Variants in PCDHGA8 observed in about 807,000 individuals in gnomAD.
PCDHGA8 encodes protocadherin gamma-A8.
A neutral mutation model predicts 59.2 loss-of-function variants in PCDHGA8; 45 were observed. The observed-to-expected ratio is 0.76, with a 90% CI of 0.60 to 0.98. The LOEUF is 0.98. Ranked by LOEUF, PCDHGA8 falls within the 50% of genes least tolerant of loss-of-function variation. The pLI, the probability that PCDHGA8 is intolerant of heterozygous loss-of-function variation, is 0.00. For synonymous variants in PCDHGA8, 531 were observed against 519.0 expected, an observed-to-expected ratio of 1.02 and a Z score of -0.32; for missense variants, 1,257 against 1,196.2, an observed-to-expected ratio of 1.05 and a Z score of -0.75.
chr5:141,452,844 C>T (rs1239022315), intron 1 of PCDHGA8, among the ~76,000 whole-genome samples: 1 of 152,204 alleles, frequency 6.6e-6, no homozygotes, highest in Non-Finnish European at 1.5e-5. Context: ...CCAGCCCACA[C>T]TCTGGGGAGA....
chr5:141,482,591 A>G lies in PCDHGA8; in HGVS notation c.2425-12216A>G, dbSNP rs115650612. Among the ~76,000 whole-genome samples the G allele has an allele frequency of 6.3e-4, 95 of 151,838 alleles. 1 individual carries two copies. The highest frequency in any genetic ancestry group is 2.3e-3 in the African/African-American group (95 of 41,350). On this transcript the variant is annotated intron_variant, in intron 1 of 3. Coordinates refer to ENST00000398604, the MANE Select transcript of PCDHGA8 (RefSeq NM_032088.2). ...ATAGCATAAGATGCAGTGGGACCAA[A>G]CGGGAAAAAACACCTAAATGAGCCT...
At position 141,392,810 on chromosome 5, in the gene PCDHGA8, A is replaced by G. The variant is rs772526220; in HGVS notation, c.-4A>G. 41 of 1,580,272 alleles carry G rather than the reference A, an allele frequency of 2.6e-5. No individual in the cohort carries two copies. Among genetic ancestry groups the G allele is most frequent in the Middle Eastern group, 1.7e-4 (1 of 5,930 alleles). ...TTCTGAGAGGATTCTGCAGCAAAAC[A>G]ACAATGGCCGCTCCACAGAGTCGCC... On this transcript the variant is annotated 5_prime_UTR_variant, in exon 1 of 4. Transcript: ENST00000398604.
rs1057374827 is a variant in PCDHGA8, at chr5:141,485,503, C to G, written c.2425-9304C>G. 3.1e-6 allele frequency: 5 copies of G among 1,613,978 alleles called. No homozygotes were observed. Among genetic ancestry groups the G allele is most frequent in the Non-Finnish European group, 4.2e-6 (5 of 1,180,016 alleles). On this transcript the variant is annotated intron_variant, in intron 1 of 3. Coordinates refer to ENST00000398604, the MANE Select transcript of PCDHGA8 (RefSeq NM_032088.2). This position sits in a 1 kb window ranked among gnomAD's most constrained non-coding sequence, Gnocchi z 5.7. ...GCATCGTGCCCCTGGAGTTTGTCACCGAAGGTCCTTTGGAAATGTACCGAG... is the reference window on the plus strand; with the variant it reads ...GCATCGTGCCCCTGGAGTTTGTCACGGAAGGTCCTTTGGAAATGTACCGAG...
intron 1 of PCDHGA8, chr5:141,421,165 T>C: frequency 7.7e-7 from 1 of 1,297,018 alleles, no homozygotes; most frequent in Non-Finnish European, 1.0e-6. Flanking sequence ...ACTTCATAGA[T>C]ACATAAGCCG....
At chr5:141,483,648 TTGTGTGTGTG>T (rs111458813) in intron 1 of PCDHGA8, among the ~76,000 whole-genome samples, 35 of 149,708 alleles carry the variant, frequency 2.3e-4, no homozygotes, top group Non-Finnish European at 4.6e-4. Flanking sequence ...GGGTGTGTGT[TTGTGTGTGTG>T]TGTGTGTGTG....
At position 141,487,780 on chromosome 5, in the gene PCDHGA8, C is replaced by T. The variant is rs1423149; in HGVS notation, c.2425-7027C>T. On this transcript the variant is annotated intron_variant, in intron 1 of 3. Transcript: ENST00000398604. The surrounding 1 kb of genome is among the most constrained non-coding windows in gnomAD (Gnocchi z 5.0). ...TAGACGCTGTGCTTTGTAACTGTTT[C>T]GTGAATTAACCAGAGTTGTCACAGT... 0.06 allele frequency: 91,434 copies of T among 1,526,176 alleles called. 5,728 individuals carry two copies. Among genetic ancestry groups the T allele is most frequent in the African/African-American group, 0.33 (23,789 of 72,466 alleles). The allele number at this position is 1,526,176 out of a possible 1,614,324, so 94.5% of individuals were successfully genotyped here. A position where few individuals can be genotyped will look rare whatever the true frequency, so the allele number is the denominator to read the frequency against.
intron 1 of PCDHGA8, among the ~76,000 whole-genome samples, chr5:141,492,893 C>T (rs936521362): frequency 2.0e-5 from 3 of 152,178 alleles, no homozygotes; most frequent in Admixed American, 6.5e-5. Flanking sequence ...AGGCTTTTGG[C>T]GCCGTCGTGA....
At position 141,477,222 on chromosome 5, in the gene PCDHGA8, C is replaced by T; in HGVS notation, c.2425-17585C>T. Reference sequence around the variant, plus strand: ...GTACCCGAGGATGCCCCTCTGGGGACTGTCATCGCTTTGCTCAGTGTGACT... The same window carrying T: ...GTACCCGAGGATGCCCCTCTGGGGATTGTCATCGCTTTGCTCAGTGTGACT... On this transcript the variant is annotated intron_variant, in intron 1 of 3. Transcript: ENST00000398604. This position sits in a 1 kb window ranked among gnomAD's most constrained non-coding sequence, Gnocchi z 4.9. 2 of 1,614,218 alleles carry T rather than the reference C, an allele frequency of 1.2e-6. No homozygotes were observed. Among genetic ancestry groups the T allele is most frequent in the South Asian group, 1.1e-5 (1 of 91,086 alleles).
At chr5:141,448,663 G>A (rs1195703194) in intron 1 of PCDHGA8, among the ~76,000 whole-genome samples, 3 of 151,920 alleles carry the variant, frequency 2.0e-5, no homozygotes, top group African/African-American at 7.3e-5. Flanking sequence ...CATATTGGCC[G>A]GGCGCGGTGG....
At chr5:141,481,618 G>C (rs1339565594) in intron 1 of PCDHGA8, among the ~76,000 whole-genome samples, 1 of 152,142 alleles carries the variant, frequency 6.6e-6, no homozygotes, top group African/African-American at 2.4e-5. Context: ...AGGAGTTCAA[G>C]ACCGGCCTGG....
Position 141,432,732 on chromosome 5 carries a change from T to G in PCDHGA8, c.2424+37495T>G, listed in dbSNP as rs1300743675. 2.5e-6 allele frequency: 4 copies of G among 1,613,940 alleles called. No individual in the cohort carries two copies. Among genetic ancestry groups the G allele is most frequent in the Non-Finnish European group, 3.4e-6 (4 of 1,179,992 alleles). On this transcript the variant is annotated intron_variant, in intron 1 of 3. Coordinates refer to ENST00000398604, the MANE Select transcript of PCDHGA8 (RefSeq NM_032088.2). This position sits in a 1 kb window ranked among gnomAD's most constrained non-coding sequence, Gnocchi z 6.0. ...GGCCAGCCCCCTCTCTCCGCCACTG[T>G]CACGCTCACCGTGGCCGTGGCCGAC...
chr5:141,403,879 T>C (rs981085034), intron 1 of PCDHGA8: 19 of 1,613,692 alleles, frequency 1.2e-5, no homozygotes, highest in Non-Finnish European at 1.6e-5. Context: ...GTCTAGATTA[T>C]GAAGAATGTT....
intron 1 of PCDHGA8, among the ~76,000 whole-genome samples, chr5:141,464,264 AAAAAAAAAAAAAAGC>A (rs974197911): frequency 4.0e-4 from 52 of 130,598 alleles, no homozygotes; most frequent in Non-Finnish European, 6.3e-4. Context: ...GACTCCGTCT[AAAAAAAAAAAAAAGC>A]AAAAAAAAAA....
At chr5:141,509,777 G>A (rs1244876699) in intron 3 of PCDHGA8, among the ~76,000 whole-genome samples, 1 of 152,100 alleles carries the variant, frequency 6.6e-6, no homozygotes, top group Non-Finnish European at 1.5e-5. Flanking sequence ...TCTAGTCCCC[G>A]AGATCATCAT....
chr5:141,496,511 C>T (rs1161285563), intron 2 of PCDHGA8, among the ~76,000 whole-genome samples: 1 of 152,182 alleles, frequency 6.6e-6, no homozygotes, highest in Non-Finnish European at 1.5e-5. Flanking sequence ...CACAAGGACC[C>T]AGGAGCCCTT....
At chr5:141,419,023 A>T (rs768427376) in intron 1 of PCDHGA8, 2 of 1,613,958 alleles carry the variant, frequency 1.2e-6, no homozygotes, top group Non-Finnish European at 1.7e-6. Flanking sequence ...GCTTAAGTAG[A>T]GGTGTTCCAT....
At chr5:141,419,724 G>T in intron 1 of PCDHGA8, 1 of 1,613,488 alleles carries the variant, frequency 6.2e-7, no homozygotes, top group Non-Finnish European at 8.5e-7. Flanking sequence ...CTGGGGCTGC[G>T]AACAGGCGAG....
Position 141,429,387 on chromosome 5 carries a change from TAAA to T in PCDHGA8, c.2424+34156_2424+34158del, listed in dbSNP as rs11410533. Among the ~76,000 whole-genome samples, 27 of 151,446 alleles carry T rather than the reference TAAA, an allele frequency of 1.8e-4. No homozygotes were observed. In the East Asian group the frequency reaches 1.9e-3, roughly 11 times the overall value. ...AAATGGAGAAAATGTGTTTTTTTTTTAAAAAAAATTGAGATTAAGGTCTCATTA... is the reference window on the plus strand; with the variant it reads ...AAATGGAGAAAATGTGTTTTTTTTTTAAAAATTGAGATTAAGGTCTCATTA... On this transcript the variant is annotated intron_variant, in intron 1 of 3. Coordinates refer to ENST00000398604, the MANE Select transcript of PCDHGA8 (RefSeq NM_032088.2).
At chr5:141,421,504 C>G (rs757410882) in intron 1 of PCDHGA8, 1 of 1,614,062 alleles carries the variant, frequency 6.2e-7, no homozygotes, top group South Asian at 1.1e-5. Flanking sequence ...CAGGATAGAC[C>G]GGGAGGAGCT....
Sources: gnomAD v4.1 joint callset for allele counts (sites outside exome capture counted in the v4.1 genomes callset) on GRCh38, gnomAD v4.1.1 for gene constraint, Gnocchi (gnomAD v3.1) non-coding constraint, MANE v1.5 for transcripts, NCBI Gene and HGNC (gene_info 2026-07-23, HGNC 2026-07-21) for gene names.